Variants in NPSR1 observed in about 807,000 individuals in gnomAD.
The protein encoded by NPSR1 is neuropeptide S receptor.
Under a neutral mutation model 46.9 loss-of-function variants are expected in NPSR1, and 48 were observed. That is an observed-to-expected ratio of 1.02 (90% CI 0.81 to 1.30). The LOEUF (loss-of-function observed/expected upper bound fraction) is 1.30. Among genes scored for constraint, NPSR1 ranks in the 50% most tolerant of loss-of-function variants. NPSR1 has a pLI of 0.00. For missense variants in NPSR1, 450 were observed against 449.5 expected (o/e 1.00, Z -0.01); for synonymous variants, 176 against 168.1 (o/e 1.05, Z -0.36).
chr7:34,866,330 C>G (rs1049598750), intron 8 of NPSR1, among the ~76,000 whole-genome samples: 1 of 151,726 alleles, frequency 6.6e-6, no homozygotes, highest in African/African-American at 2.4e-5. Context: ...CAGCAGGACC[C>G]GTGAGTAAAC....
rs571396958 is a variant in NPSR1, at chr7:34,664,602, T to G, written c.147+6043T>G. 1.9e-3 allele frequency among the ~76,000 whole-genome samples: 263 copies of G among 136,328 alleles called. 4 individuals are homozygous for G. The highest frequency in any genetic ancestry group is 0.018 in the Middle Eastern group (5 of 276). The allele number at this position is 136,328 out of a possible 152,430, so 89.4% of individuals were successfully genotyped here. A position where few individuals can be genotyped will look rare whatever the true frequency, so the allele number is the denominator to read the frequency against. ...AACAATGGTCATGAATTAAGCTGTT[T>G]CTTTTCTTTTTTTTAAAAAAAAAAA... is the stretch of plus-strand genomic sequence containing the variant. On this transcript the variant is annotated intron_variant, in intron 1 of 8. Transcript: ENST00000360581.
intron 1 of NPSR1, among the ~76,000 whole-genome samples, chr7:34,676,900 T>A (rs56043957): frequency 0.16 from 23,817 of 151,842 alleles, 2,470 homozygotes; most frequent in African/African-American, 0.29. Context: ...TGGGGAGGGT[T>A]TGATTTATAG....
chr7:34,721,168 A>G (rs1361556304), intron 2 of NPSR1, among the ~76,000 whole-genome samples: 3 of 152,220 alleles, frequency 2.0e-5, no homozygotes, highest in African/African-American at 7.2e-5. Context: ...GCAATGCTTG[A>G]GGCAATAATG....
intron 2 of NPSR1, among the ~76,000 whole-genome samples, chr7:34,770,902 C>A (rs34435853): frequency 1.3e-5 from 2 of 152,288 alleles, no homozygotes; most frequent in South Asian, 2.1e-4. Flanking sequence ...TAGATCCTCA[C>A]GTGGCAGAAG....
intron 8 of NPSR1, among the ~76,000 whole-genome samples, chr7:34,865,234 G>A (rs1282595744): frequency 5.9e-5 from 9 of 151,836 alleles, no homozygotes; most frequent in East Asian, 1.9e-4. Context: ...GCTCAGCTAC[G>A]GAATGTTTGG....
intron 2 of NPSR1, among the ~76,000 whole-genome samples, chr7:34,762,212 C>A (rs1489392327): frequency 6.6e-6 from 1 of 152,090 alleles, no homozygotes; most frequent in Admixed American, 6.6e-5. Context: ...GAAGAGAGTG[C>A]TCTAATGAGA....
At chr7:34,750,925 C>A (rs999248417) in intron 2 of NPSR1, 7 of 741,894 alleles carry the variant, frequency 9.4e-6, no homozygotes, top group Non-Finnish European at 1.8e-5. Flanking sequence ...ACCCCCAGCT[C>A]GGGGTCTGAC....
At chr7:34,792,702 TA>T (rs1787973560) in intron 3 of NPSR1, among the ~76,000 whole-genome samples, 1 of 86,044 alleles carries the variant, frequency 1.2e-5, no homozygotes, top group African/African-American at 4.0e-5. Flanking sequence ...TATATATACG[TA>T]TATATATATA....
intron 2 of NPSR1, among the ~76,000 whole-genome samples, chr7:34,755,585 C>T (rs1415530066): frequency 6.6e-6 from 1 of 152,070 alleles, no homozygotes; most frequent in Non-Finnish European, 1.5e-5. Context: ...TGGGTCATTT[C>T]CAGTTTAGGG....
chr7:34,798,616 A>C (rs924691182), intron 3 of NPSR1, among the ~76,000 whole-genome samples: 2 of 152,218 alleles, frequency 1.3e-5, no homozygotes, highest in Admixed American at 1.3e-4. Context: ...TGAACTATTA[A>C]TTAAATGGAT....
At chr7:34,771,232 C>T (rs553856204) in intron 2 of NPSR1, among the ~76,000 whole-genome samples, 2 of 152,200 alleles carry the variant, frequency 1.3e-5, no homozygotes, top group South Asian at 4.1e-4. Context: ...CCCGGGAGTT[C>T]AAGACCAGCC....
intron 6 of NPSR1, among the ~76,000 whole-genome samples, chr7:34,838,830 T>C (rs565380981): frequency 6.6e-6 from 1 of 152,334 alleles, no homozygotes; most frequent in South Asian, 2.1e-4. Flanking sequence ...TAAATGAGCA[T>C]ATTATTGATG....
intron 1 of NPSR1, among the ~76,000 whole-genome samples, chr7:34,679,633 T>C (rs1368300579): frequency 6.6e-6 from 1 of 152,132 alleles, no homozygotes; most frequent in African/African-American, 2.4e-5. Context: ...TGCTAGTTCG[T>C]TTCACTTAAA....
At chr7:34,750,423 T>G in intron 2 of NPSR1, 1 of 745,094 alleles carries the variant, frequency 1.3e-6, no homozygotes, top group Non-Finnish European at 2.5e-6. Context: ...CGATGGGTAG[T>G]ACGACGGGGC....
In NPSR1 at chr7:34,755,644, G is replaced by A. The variant is rs543059610; in HGVS notation, c.281-22818G>A. ...AACAGTCCAGGATACATCATTTTGT[G>A]AGCTGCTTATTTTTATTATTTGTGC... On this transcript the variant is annotated intron_variant, in intron 2 of 8. Transcript: ENST00000360581. Among the ~76,000 whole-genome samples, 37 of 152,120 alleles carry A rather than the reference G, an allele frequency of 2.4e-4. 1 individual carries two copies. In the South Asian group the frequency reaches 7.5e-3, roughly 31 times the overall value.
intron 4 of NPSR1, among the ~76,000 whole-genome samples, chr7:34,823,352 A>C (rs995305350): frequency 5.5e-5 from 8 of 144,772 alleles, no homozygotes; most frequent in African/African-American, 2.0e-4. Context: ...AGATGGCACC[A>C]CTGCACTCTA....
intron 4 of NPSR1, among the ~76,000 whole-genome samples, chr7:34,816,171 C>A (rs912460321): frequency 6.8e-6 from 1 of 146,462 alleles, no homozygotes; most frequent in Non-Finnish European, 1.5e-5. Context: ...TCAGGAGACT[C>A]ATCTCATGTG....
chr7:34,702,008 T>C (rs1793852966), intron 2 of NPSR1, among the ~76,000 whole-genome samples: 1 of 152,238 alleles, frequency 6.6e-6, no homozygotes, highest in African/African-American at 2.4e-5. Flanking sequence ...GATTTATTTT[T>C]ATCTTATGTA....
intron 5 of NPSR1, among the ~76,000 whole-genome samples, chr7:34,831,740 C>T (rs1301269108): frequency 6.6e-6 from 1 of 152,014 alleles, no homozygotes; most frequent in Non-Finnish European, 1.5e-5. Context: ...AATTGCTTTA[C>T]TTTAGCTGTG....
Sources: allele counts gnomAD v4.1 joint callset (sites outside exome capture counted in the v4.1 genomes callset), GRCh38; gene constraint gnomAD v4.1.1; transcripts MANE v1.5; gene names NCBI Gene and HGNC (gene_info 2026-07-23, HGNC 2026-07-21).